STK32B: variants seen among roughly 807,000 people sequenced by gnomAD.
STK32B encodes the protein serine/threonine-protein kinase 32B.
Under a neutral mutation model 52.6 loss-of-function variants are expected in STK32B, and 43 were observed. The ratio of observed to expected loss-of-function variants is 0.82; its 90% CI spans 0.64 to 1.05. The LOEUF (loss-of-function observed/expected upper bound fraction) is 1.05, where lower values mean the gene tolerates loss of function less well. Among genes scored for constraint, STK32B ranks in the 50% least tolerant of loss-of-function variants. The pLI is 0.00. For missense variants in STK32B, 621 were observed against 534.6 expected (o/e 1.16, Z -1.59); for synonymous variants, 238 against 204.3 (o/e 1.17, Z -1.41).
chr4:5,210,892 C>T (rs1476641207), intron 3 of STK32B, among the ~76,000 whole-genome samples: 1 of 151,440 alleles, frequency 6.6e-6, no homozygotes, highest in Admixed American at 6.6e-5. Flanking sequence ...ACCTCCTGGG[C>T]TCAGGTGATC....
rs535369396 is a variant in STK32B, at chr4:5,274,896, C to T, written c.261-56324C>T. Reference sequence around the variant, plus strand: ...TATGCTCCTGATCCAGCGAGGCGCCCATTGCCACTCCTGATCGGGCTAAAG... The same window carrying T: ...TATGCTCCTGATCCAGCGAGGCGCCTATTGCCACTCCTGATCGGGCTAAAG... On this transcript the variant is annotated intron_variant, in intron 3 of 11. Transcript: ENST00000282908. Among the ~76,000 whole-genome samples, 47 of 152,326 alleles carry T rather than the reference C, an allele frequency of 3.1e-4. No individual in the cohort carries two copies. The East Asian group carries it at 8.9e-3, about 29-fold the overall frequency.
At chr4:5,288,362 G>A (rs1268349724) in intron 3 of STK32B, among the ~76,000 whole-genome samples, 1 of 152,150 alleles carries the variant, frequency 6.6e-6, no homozygotes, top group African/African-American at 2.4e-5. Flanking sequence ...AGTCCCATCA[G>A]CGATGCATGG....
intron 3 of STK32B, among the ~76,000 whole-genome samples, chr4:5,301,309 A>G (rs1253213843): frequency 1.3e-5 from 2 of 152,048 alleles, no homozygotes; most frequent in African/African-American, 4.8e-5. Context: ...GTTTCCCTCT[A>G]TTCTATCTTT....
At chr4:5,029,721 G>A in the STK32B span, among the ~76,000 whole-genome samples, 1 of 152,154 alleles carries the variant, frequency 6.6e-6, no homozygotes, top group South Asian at 2.1e-4. Context: ...TCCCACCCAG[G>A]CGCCCATCTC....
chr4:5,245,441 C>T (rs1268699962), intron 3 of STK32B, among the ~76,000 whole-genome samples: 1 of 152,128 alleles, frequency 6.6e-6, no homozygotes, highest in Non-Finnish European at 1.5e-5. Context: ...GTAGATCTTC[C>T]TCCATCCCTT....
rs2369704 is a variant in STK32B at position 5,398,624 on chromosome 4, C to T, written c.472+380C>T. 0.02 allele frequency among the ~76,000 whole-genome samples: 3,069 copies of T among 152,276 alleles called. 97 individuals carry two copies. The highest frequency in any genetic ancestry group is 0.068 in the African/African-American group (2,838 of 41,544). ...TTTTCTGTAAACTGGGGAGAAGGCACCTCCCTTGCAGGGTGTTCATGAGGG... is the reference window on the plus strand; with the variant it reads ...TTTTCTGTAAACTGGGGAGAAGGCATCTCCCTTGCAGGGTGTTCATGAGGG... On this transcript the variant is annotated intron_variant, in intron 5 of 11. Transcript: ENST00000282908. The surrounding 1 kb of genome is among the most constrained non-coding windows in gnomAD (Gnocchi z 4.9).
intron 1 of STK32B, among the ~76,000 whole-genome samples, chr4:5,073,696 A>T (rs1004241513): frequency 1.3e-5 from 2 of 152,062 alleles, no homozygotes; most frequent in African/African-American, 2.4e-5. Flanking sequence ...CCTTTATTTA[A>T]TTAAACATCT....
intron 1 of STK32B, among the ~76,000 whole-genome samples, chr4:5,056,717 G>T (rs1742020606): frequency 6.6e-6 from 1 of 152,134 alleles, no homozygotes. Context: ...GGGTATTCTT[G>T]AATCAATTAC....
At chr4:5,306,668 T>C (rs1176856623) in intron 3 of STK32B, among the ~76,000 whole-genome samples, 1 of 152,176 alleles carries the variant, frequency 6.6e-6, no homozygotes, top group Non-Finnish European at 1.5e-5. Flanking sequence ...TGAGGTACTG[T>C]TCTATTCATT....
At chr4:5,183,431 T>C (rs540465304) in intron 3 of STK32B, among the ~76,000 whole-genome samples, 1 of 150,584 alleles carries the variant, frequency 6.6e-6, no homozygotes, top group African/African-American at 2.4e-5. Flanking sequence ...GAGCTGAGAT[T>C]GCACCACTGC....
At chr4:5,170,375 T>C (rs1056454105) in intron 3 of STK32B, among the ~76,000 whole-genome samples, 1 of 152,198 alleles carries the variant, frequency 6.6e-6, no homozygotes, top group East Asian at 1.9e-4. Context: ...TTGTTACATA[T>C]GTATACATGT....
At chr4:5,043,294 AT>A in the STK32B span, among the ~76,000 whole-genome samples, 1 of 151,970 alleles carries the variant, frequency 6.6e-6, no homozygotes, top group South Asian at 2.1e-4. Context: ...TACCTGGAAA[AT>A]TTCTTTCTGT....
At chr4:5,243,728 C>T (rs1206254438) in intron 3 of STK32B, among the ~76,000 whole-genome samples, 5 of 152,038 alleles carry the variant, frequency 3.3e-5, no homozygotes, top group Non-Finnish European at 5.9e-5. Flanking sequence ...TCATAGATAG[C>T]TCTTATTATT....
intron 9 of STK32B, among the ~76,000 whole-genome samples, chr4:5,464,415 AG>A (rs1717276592): frequency 6.6e-6 from 1 of 152,196 alleles, no homozygotes; most frequent in African/African-American, 2.4e-5. Flanking sequence ...ACGAGTGCCT[AG>A]GGATACATCA....
At chr4:5,266,093 C>G (rs1292899564) in intron 3 of STK32B, among the ~76,000 whole-genome samples, 1 of 152,114 alleles carries the variant, frequency 6.6e-6, no homozygotes. Flanking sequence ...CATGTAGTCT[C>G]CCAATAATCA....
At chr4:5,024,845 C>A in the STK32B span, among the ~76,000 whole-genome samples, 2 of 152,202 alleles carry the variant, frequency 1.3e-5, no homozygotes, top group South Asian at 4.1e-4. Context: ...GGTTAAAAAT[C>A]TGTATGTCAT....
At chr4:5,489,059 C>T (rs1204810630) in intron 11 of STK32B, among the ~76,000 whole-genome samples, 1 of 151,942 alleles carries the variant, frequency 6.6e-6, no homozygotes, top group Admixed American at 6.6e-5. Flanking sequence ...TGTCATGTAT[C>T]AATATTTTGA....
chr4:5,226,878 C>T (rs1723912522), intron 3 of STK32B, among the ~76,000 whole-genome samples: 1 of 152,126 alleles, frequency 6.6e-6, no homozygotes, highest in Non-Finnish European at 1.5e-5. Context: ...AACATATACT[C>T]CGTGGATAAG....
In STK32B at chr4:5,271,286, T is replaced by C. The variant is rs1302453766; in HGVS notation, c.261-59934T>C. Among the ~76,000 whole-genome samples the C allele has an allele frequency of 2.6e-5, 4 of 152,220 alleles. No individual in the cohort carries two copies. The Middle Eastern group carries it at 0.01, about 388-fold the overall frequency. On this transcript the variant is annotated intron_variant, in intron 3 of 11. Coordinates refer to ENST00000282908, the MANE Select transcript of STK32B (RefSeq NM_018401.3). ...TAACAACAGAAATATGAAATAGGGA[T>C]AGATCTGGATAAACATGTAAAAAAA...
Sources: allele counts gnomAD v4.1 joint callset (sites outside exome capture counted in the v4.1 genomes callset), GRCh38; gene constraint gnomAD v4.1.1; non-coding constraint Gnocchi (gnomAD v3.1); transcripts MANE v1.5; gene names NCBI Gene and HGNC (gene_info 2026-07-23, HGNC 2026-07-21).